WDR48: variants seen among roughly 807,000 people sequenced by gnomAD.
WDR48 encodes the protein WD repeat domain 48, also known as WD repeat-containing protein 48.
A neutral mutation model predicts 94.0 loss-of-function variants in WDR48; 22 were observed. The observed-to-expected ratio is 0.23, with a 90% CI of 0.17 to 0.33. The LOEUF (loss-of-function observed/expected upper bound fraction) is 0.33, where lower values mean the gene tolerates loss of function less well. Ranked by LOEUF, WDR48 falls within the 10% of genes least tolerant of loss-of-function variation. The pLI is 1.00. For missense variants in WDR48, 541 were observed against 813.8 expected (o/e 0.66, Z 4.08); for synonymous variants, 278 against 280.5 (o/e 0.99, Z 0.09).
intron 1 of WDR48, among the ~76,000 whole-genome samples, chr3:39,055,190 T>G (rs2032790367): frequency 6.6e-6 from 1 of 152,104 alleles, no homozygotes; most frequent in Non-Finnish European, 1.5e-5. Flanking sequence ...AAAATATTGC[T>G]AAATAATCAG....
chr3:39,076,623 A>G (rs2034237953), intron 8 of WDR48, among the ~76,000 whole-genome samples: 1 of 152,224 alleles, frequency 6.6e-6, no homozygotes, highest in African/African-American at 2.4e-5. Flanking sequence ...TGTAATATAT[A>G]CATGCACATA....
At chr3:39,066,067 C>T (rs1244414676) in intron 3 of WDR48, among the ~76,000 whole-genome samples, 178 bp downstream of exon 3, 1 of 152,158 alleles carries the variant, frequency 6.6e-6, no homozygotes, top group Admixed American at 6.5e-5. Context: ...CCTCTTGTGC[C>T]ACCCTTTGCC....
chr3:39,088,311 T>C, intron 15 of WDR48, 78 bp downstream of exon 15: 1 of 1,363,838 alleles, frequency 7.3e-7, no homozygotes, highest in Non-Finnish European at 1.0e-6. Context: ...AACTCAGTAT[T>C]TCGATATTAG....
chr3:39,085,151 C>T (rs1395952606), intron 13 of WDR48, among the ~76,000 whole-genome samples: 8 of 151,664 alleles, frequency 5.3e-5, no homozygotes, highest in Admixed American at 1.3e-4. Flanking sequence ...GGCGTGAACC[C>T]GGGAGGCGGA....
At chr3:39,065,706 C>A in intron 2 of WDR48, 105 bp from the exon 3 acceptor site, 1 of 755,586 alleles carries the variant, frequency 1.3e-6, no homozygotes, top group South Asian at 2.2e-5. Flanking sequence ...AGTTTTAATG[C>A]CTAGAGCAGT....
At chr3:39,075,053 G>A (rs568337906) in intron 8 of WDR48, 103 bp downstream of exon 8, 51 of 1,124,860 alleles carry the variant, frequency 4.5e-5, no homozygotes, top group Non-Finnish European at 5.5e-5. Context: ...TGCAGGGTTC[G>A]GAGGGGGAAG....
chr3:39,063,067 A>T lies in WDR48; in HGVS notation c.66A>T (p.Arg22=). Residue 22 remains arginine, a synonymous_variant, in exon 2 of 19, where the codon CGA becomes CGT. Transcript: ENST00000302313. The part of the protein sequence containing the change: ...RRKVQVSYVI[R]DEVEKYNRNG... ...TTTGTCAGGTTTCCTATGTTATTCG[A>T]GATGAAGTGGAGAAGTACAACCGAA... 1 of 1,614,122 alleles carries T rather than the reference A, an allele frequency of 6.2e-7. No individual in the cohort carries two copies. Among genetic ancestry groups the T allele is most frequent in the South Asian group, 1.1e-5 (1 of 91,074 alleles).
chr3:39,071,127 G>A (rs542815787), intron 7 of WDR48, among the ~76,000 whole-genome samples: 1 of 152,264 alleles, frequency 6.6e-6, no homozygotes, highest in South Asian at 2.1e-4. Context: ...ATTGTGAATA[G>A]TGCCGCAATA....
At chr3:39,076,893 C>G (rs2034253802) in intron 8 of WDR48, among the ~76,000 whole-genome samples, 1 of 152,176 alleles carries the variant, frequency 6.6e-6, no homozygotes, top group Non-Finnish European at 1.5e-5. Context: ...AAATTGACCA[C>G]ACTTAAAATT....
At chr3:39,064,590 G>T (rs920099383) in intron 2 of WDR48, among the ~76,000 whole-genome samples, 1 of 152,152 alleles carries the variant, frequency 6.6e-6, no homozygotes, top group Non-Finnish European at 1.5e-5. Flanking sequence ...CATTTTCATA[G>T]ATGAGAAAAT....
chr3:39,061,684 C>T (rs1411821788), intron 1 of WDR48, among the ~76,000 whole-genome samples: 1 of 152,156 alleles, frequency 6.6e-6, no homozygotes, highest in African/African-American at 2.4e-5. Flanking sequence ...CACTGTCTTC[C>T]ACAGTGGTTG....
At chr3:39,053,676 A>G (rs1177177043) in intron 1 of WDR48, among the ~76,000 whole-genome samples, 1 of 152,168 alleles carries the variant, frequency 6.6e-6, no homozygotes, top group Non-Finnish European at 1.5e-5. Flanking sequence ...CTATTACTGC[A>G]GTGTGTTCCC....
rs1053147145 is a variant in WDR48, at chr3:39,076,245, A to G, written c.898-894A>G. Among the ~76,000 whole-genome samples, 4 of 152,346 alleles carry G rather than the reference A, an allele frequency of 2.6e-5. 1 individual carries two copies. The highest frequency in any genetic ancestry group is 9.6e-5 in the African/African-American group (4 of 41,578). ...AACTGGCCAAGTACGGTTCTTTAAA[A>G]TAGATGGCATATCCTAATGGACCGA... is the stretch of plus-strand genomic sequence containing the variant. On this transcript the variant is annotated intron_variant, in intron 8 of 18. Transcript: ENST00000302313.
In WDR48 at chr3:39,070,531, G is replaced by A. The variant is rs369496961; in HGVS notation, c.672+787G>A. On this transcript the variant is annotated intron_variant, in intron 7 of 18. Coordinates refer to ENST00000302313, the MANE Select transcript of WDR48 (RefSeq NM_020839.4). ...AGACATGAAATTGCTAAAATTTCAC[G>A]TCTAAGAAATTGCTTTAGACATCAA... Among the ~76,000 whole-genome samples, 6 of 152,192 alleles carry A rather than the reference G, an allele frequency of 3.9e-5. No homozygotes were observed. In the South Asian group the frequency reaches 6.2e-4, roughly 16 times the overall value.
At chr3:39,082,765 A>G (rs1309483306) in intron 11 of WDR48, among the ~76,000 whole-genome samples, 1 of 152,202 alleles carries the variant, frequency 6.6e-6, no homozygotes. Context: ...GGATATCTGA[A>G]TAGAGGTGTT....
rs1469146880 is a variant in WDR48, at chr3:39,085,502, A to C, written c.1379-13A>C. On this transcript the variant is annotated splice_polypyrimidine_tract_variant and intron_variant, in intron 13 of 18. Coordinates refer to ENST00000302313, the MANE Select transcript of WDR48 (RefSeq NM_020839.4). Reference sequence around the variant, plus strand: ...TTTTCCATTTTATCTCTTTTTAATTAACTTTTTTGCAGTGAATTTAGGAGG... The same window carrying C: ...TTTTCCATTTTATCTCTTTTTAATTCACTTTTTTGCAGTGAATTTAGGAGG... 2 of 1,599,404 alleles carry C rather than the reference A, an allele frequency of 1.3e-6. No individual in the cohort carries two copies. The highest frequency in any genetic ancestry group is 1.7e-6 in the Non-Finnish European group (2 of 1,171,908).
At chr3:39,078,647 G>A (rs1450019799) in intron 10 of WDR48, among the ~76,000 whole-genome samples, 1 of 151,870 alleles carries the variant, frequency 6.6e-6, no homozygotes, top group Non-Finnish European at 1.5e-5. Context: ...TCAAACTCCT[G>A]ACCTCAAATG....
chr3:39,076,917 T>A (rs916275755), intron 8 of WDR48, among the ~76,000 whole-genome samples: 1 of 152,182 alleles, frequency 6.6e-6, no homozygotes, highest in Non-Finnish European at 1.5e-5. Flanking sequence ...GGCCACTGTT[T>A]TAGGTGAGAA....
chr3:39,066,440 A>G (rs2033614941), intron 3 of WDR48, 108 bp from the exon 4 acceptor site: 1 of 937,342 alleles, frequency 1.1e-6, no homozygotes, highest in Non-Finnish European at 1.6e-6. Flanking sequence ...TTGTGTGTGT[A>G]AGAGAGAGAA....
Sources: allele counts gnomAD v4.1 joint callset (sites outside exome capture counted in the v4.1 genomes callset), GRCh38; gene constraint gnomAD v4.1.1; transcripts MANE v1.5; gene names NCBI Gene and HGNC (gene_info 2026-07-23, HGNC 2026-07-21).